GRHL1: variants seen among roughly 807,000 people sequenced by gnomAD.
GRHL1 encodes the protein grainyhead like transcription factor 1, also known as grainyhead-like protein 1 homolog.
In GRHL1, 38 loss-of-function variants were observed where a neutral mutation model predicts 75.7. That is an observed-to-expected ratio of 0.50 (90% CI 0.39 to 0.66). The LOEUF is 0.66. Among genes scored for constraint, GRHL1 ranks in the 30% least tolerant of loss-of-function variants. The pLI is 0.00. For missense variants in GRHL1, 589 were observed against 767.5 expected (o/e 0.77, Z 2.75); for synonymous variants, 266 against 279.4 (o/e 0.95, Z 0.48).
intron 2 of GRHL1, among the ~76,000 whole-genome samples, chr2:9,956,750 A>G (rs1484082048): frequency 2.6e-5 from 4 of 152,210 alleles, no homozygotes; most frequent in African/African-American, 9.6e-5. Flanking sequence ...TTATTGACTT[A>G]CTATAAATTA....
intron 2 of GRHL1, among the ~76,000 whole-genome samples, 192 bp from the exon 3 acceptor site, chr2:9,958,594 A>T (rs928220012): frequency 3.3e-5 from 5 of 152,222 alleles, no homozygotes; most frequent in Non-Finnish European, 7.3e-5. Flanking sequence ...CATATCAACC[A>T]GATGGGTGAC....
At chr2:9,956,199 C>T (rs189300411) in intron 2 of GRHL1, among the ~76,000 whole-genome samples, 67 of 152,280 alleles carry the variant, frequency 4.4e-4, no homozygotes, top group African/African-American at 1.5e-3. Context: ...TACCCAGAAT[C>T]GCCAGTTGCT....
chr2:9,994,971 C>T (rs1040215890), intron 12 of GRHL1, among the ~76,000 whole-genome samples: 3 of 152,130 alleles, frequency 2.0e-5, no homozygotes, highest in Non-Finnish European at 2.9e-5. Flanking sequence ...GCTTGAAGGT[C>T]CTGGGGTCCC....
At chr2:9,966,301 G>C (rs1033980115) in intron 8 of GRHL1, 2 of 152,366 alleles carry the variant, frequency 1.3e-5, no homozygotes, top group African/African-American at 2.4e-5. Flanking sequence ...TGGAGGTTGA[G>C]GCAGGAGAAT....
At chr2:9,979,514 A>G (rs540539957) in intron 8 of GRHL1, among the ~76,000 whole-genome samples, 19 of 152,332 alleles carry the variant, frequency 1.2e-4, no homozygotes, top group Non-Finnish European at 2.1e-4. Context: ...CTGCCTGGCC[A>G]GTGCTCAAAT....
rs754929485 is a variant in GRHL1, at chr2:9,964,247, G to C, written c.916G>C (p.Val306Leu). The C allele has an allele frequency of 3.6e-5, 57 of 1,602,766 alleles. No individual in the cohort carries two copies. Among genetic ancestry groups the C allele is most frequent in the Non-Finnish European group, 4.9e-5 (57 of 1,171,024 alleles). ...PISKVRSVIM[V>L]VFAEDKSRED... ...TTCTCTTTCACAGAGTGTGATCATG[G>C]TGGTTTTTGCTGAAGACAAAAGCAG... The change falls in exon 7 of 16, where the codon GTG becomes CTG. Residue 306 changes from valine to leucine, a missense_variant. Coordinates refer to ENST00000324907, the MANE Select transcript of GRHL1 (RefSeq NM_198182.3).
intron 8 of GRHL1, among the ~76,000 whole-genome samples, chr2:9,971,706 A>G (rs545354814): frequency 2.0e-4 from 31 of 152,330 alleles, no homozygotes; most frequent in African/African-American, 7.5e-4. Flanking sequence ...ATAGGGAATG[A>G]ATAGTCTTTA....
intron 8 of GRHL1, among the ~76,000 whole-genome samples, chr2:9,979,643 T>C (rs1668111559): frequency 6.6e-6 from 1 of 152,070 alleles, no homozygotes; most frequent in Non-Finnish European, 1.5e-5. Context: ...CCTAAATTTC[T>C]CAGTGGAAAA....
chr2:9,961,312 G>A lies in GRHL1; in HGVS notation c.545G>A (p.Arg182Gln), dbSNP rs201655624. 1.6e-5 allele frequency: 26 copies of A among 1,614,064 alleles called. No individual in the cohort carries two copies. Among genetic ancestry groups the A allele is most frequent in the Admixed American group, 8.3e-5 (5 of 60,000 alleles). The change falls in exon 4 of 16, where the codon CGG becomes CAG. Residue 182 changes from arginine (R) to glutamine (Q), a missense_variant. By Grantham distance (43) the Arg-to-Gln change is conservative. This residue lies in a region of GRHL1 where 362 missense variants were observed against 461.8 expected (regional missense o/e 0.78). Coordinates refer to ENST00000324907, the MANE Select transcript of GRHL1 (RefSeq NM_198182.3). ...GTGTATCATCCTGAGCCCACTGAGCGGGTGGTGGTTTTCGATCGGAATCTC... is the reference window on the plus strand; with the variant it reads ...GTGTATCATCCTGAGCCCACTGAGCAGGTGGTGGTTTTCGATCGGAATCTC... ...PAVYHPEPTE[R>Q]VVVFDRNLNT...
In GRHL1 at chr2:9,955,070, C is replaced by T; in HGVS notation, c.176C>T (p.Ala59Val). 6.2e-7 allele frequency: 1 copy of T among 1,613,616 alleles called. No homozygotes were observed. Among genetic ancestry groups the T allele is most frequent in the Non-Finnish European group, 8.5e-7 (1 of 1,179,604 alleles). ...ATCAATGGAGATGAAGACAGCGCCG[C>T]TGCGCTGGGCCTGCTCTATGACTAC... is the stretch of plus-strand genomic sequence containing the variant. The part of the protein sequence containing the change: ...MSINGDEDSA[A>V]ALGLLYDYYK... The change falls in exon 2 of 16, where the codon GCT becomes GTT. Residue 59 changes from alanine to valine, a missense_variant. Coordinates refer to ENST00000324907, the MANE Select transcript of GRHL1 (RefSeq NM_198182.3).
At chr2:9,991,625 A>G (rs1668646151) in intron 10 of GRHL1, among the ~76,000 whole-genome samples, 2 of 152,238 alleles carry the variant, frequency 1.3e-5, no homozygotes, top group South Asian at 4.1e-4. Context: ...GAGTGTTGGA[A>G]TGTAAATTAT....
At chr2:9,991,934 C>T in intron 10 of GRHL1, 73 bp from the exon 11 acceptor site, 2 of 1,225,194 alleles carry the variant, frequency 1.6e-6, no homozygotes, top group Non-Finnish European at 2.3e-6. Context: ...GGCGAGCACT[C>T]TGTGGCCTGC....
intron 10 of GRHL1, among the ~76,000 whole-genome samples, chr2:9,991,391 C>G (rs144421696): frequency 6.6e-4 from 100 of 152,292 alleles, no homozygotes; most frequent in African/African-American, 2.3e-3. Context: ...TGCCCTGCAA[C>G]ACCTTAGTCA....
intron 9 of GRHL1, among the ~76,000 whole-genome samples, chr2:9,989,626 G>A (rs891677262): frequency 6.6e-6 from 1 of 152,022 alleles, no homozygotes; most frequent in East Asian, 1.9e-4. Context: ...CCAGCTCACC[G>A]CAATCTCTAC....
intron 8 of GRHL1, among the ~76,000 whole-genome samples, chr2:9,981,081 T>C (rs1313885756): frequency 6.6e-6 from 1 of 152,216 alleles, no homozygotes; most frequent in African/African-American, 2.4e-5. Flanking sequence ...ATCTTGTTGC[T>C]CCCACTGGAC....
At chr2:9,955,165 G>A in intron 2 of GRHL1, 64 bp downstream of exon 2, 1 of 1,063,090 alleles carries the variant, frequency 9.4e-7, no homozygotes, top group Non-Finnish European at 1.4e-6. Context: ...CAGCAGCATA[G>A]AAACAGACAT....
chr2:9,952,692 T>C (rs559156253), intron 1 of GRHL1, among the ~76,000 whole-genome samples: 12 of 152,240 alleles, frequency 7.9e-5, no homozygotes, highest in Non-Finnish European at 1.6e-4. Flanking sequence ...AAATATAAAA[T>C]TGTCCTAAAA....
At position 9,968,148 on chromosome 2, in the gene GRHL1, T is replaced by C. The variant is rs765466905; in HGVS notation, c.1110+2767T>C. 6.6e-5 allele frequency among the ~76,000 whole-genome samples: 10 copies of C among 152,202 alleles called. No homozygotes were observed. The highest frequency in any genetic ancestry group is 1.3e-4 in the Admixed American group (2 of 15,280). On this transcript the variant is annotated intron_variant, in intron 8 of 15. Coordinates refer to ENST00000324907, the MANE Select transcript of GRHL1 (RefSeq NM_198182.3). The surrounding 1 kb of genome is among the most constrained non-coding windows in gnomAD (Gnocchi z 4.7). ...GATGATAGTTTGAGGATGTTTTGGG[T>C]TGAATTGTGAATGCTTTGGCTTACA...
intron 8 of GRHL1, among the ~76,000 whole-genome samples, chr2:9,979,833 G>C (rs1032505615): frequency 2.6e-5 from 4 of 152,184 alleles, no homozygotes; most frequent in Non-Finnish European, 5.9e-5. Flanking sequence ...TTCACCACTT[G>C]ATGTTTTTGT....
Sources: gnomAD v4.1 joint callset for allele counts (sites outside exome capture counted in the v4.1 genomes callset) on GRCh38, gnomAD v4.1.1 for gene constraint, gnomAD v4.1.1 regional missense constraint, Gnocchi (gnomAD v3.1) non-coding constraint, MANE v1.5 for transcripts, NCBI Gene and HGNC (gene_info 2026-07-23, HGNC 2026-07-21) for gene names.